RASGRP3: variants seen among roughly 807,000 people sequenced by gnomAD.
RASGRP3 encodes ras guanyl-releasing protein 3.
Under a neutral mutation model 82.7 loss-of-function variants are expected in RASGRP3, and 54 were observed. That is an observed-to-expected ratio of 0.65 (90% confidence interval 0.52 to 0.82). RASGRP3 has a LOEUF of 0.82. Among genes scored for constraint, RASGRP3 ranks in the 40% least tolerant of loss-of-function variants. The pLI is 0.00. For synonymous variants in RASGRP3, 309 were observed against 300.5 expected (o/e 1.03, Z -0.29); for missense variants, 861 against 828.9 (o/e 1.04, Z -0.48).
chr2:33,562,543 T>G (rs905884060), intron 17 of RASGRP3, among the ~76,000 whole-genome samples, 186 bp from the exon 18 acceptor site: 2 of 152,244 alleles, frequency 1.3e-5, no homozygotes, highest in Admixed American at 6.5e-5. Flanking sequence ...AGCTCTGGGA[T>G]TATAGGTGTG....
chr2:33,468,811 ATGC>A (rs1215453740), intron 2 of RASGRP3, among the ~76,000 whole-genome samples: 1 of 152,194 alleles, frequency 6.6e-6, no homozygotes, highest in African/African-American at 2.4e-5. Flanking sequence ...AGTATAAGTA[ATGC>A]TGCGTGAAAT....
intron 1 of RASGRP3, among the ~76,000 whole-genome samples, chr2:33,480,290 G>A (rs1005217022): frequency 5.3e-5 from 8 of 152,088 alleles, no homozygotes; most frequent in Non-Finnish European, 1.0e-4. Flanking sequence ...TGATCCACCC[G>A]CCTCGGCCTC....
chr2:33,471,965 T>G (rs1208162609), upstream of RASGRP3, among the ~76,000 whole-genome samples: 1 of 152,196 alleles, frequency 6.6e-6, no homozygotes, highest in Non-Finnish European at 1.5e-5. Flanking sequence ...ACTTTTGTAA[T>G]TAATGTATAG....
At chr2:33,475,094 T>C (rs761741101), upstream of RASGRP3, among the ~76,000 whole-genome samples, 27 of 152,238 alleles carry the variant, frequency 1.8e-4, no homozygotes, top group Non-Finnish European at 3.1e-4. Context: ...CTGTTTCTAA[T>C]TGAAGATTGT....
chr2:33,443,416 T>C (rs1284737534), intron 1 of RASGRP3, among the ~76,000 whole-genome samples: 1 of 152,214 alleles, frequency 6.6e-6, no homozygotes, highest in East Asian at 1.9e-4. Flanking sequence ...TTCATAGTTG[T>C]CTTGCTGGGT....
chr2:33,514,709 A>G (rs1671281135), intron 2 of RASGRP3, among the ~76,000 whole-genome samples: 1 of 151,974 alleles, frequency 6.6e-6, no homozygotes, highest in Non-Finnish European at 1.5e-5. Flanking sequence ...AAGAACAAAA[A>G]CAATCAAAAA....
chr2:33,449,484 G>T (rs539088315), intron 2 of RASGRP3, among the ~76,000 whole-genome samples: 1 of 152,190 alleles, frequency 6.6e-6, no homozygotes, highest in Non-Finnish European at 1.5e-5. Context: ...TATTTAGGCC[G>T]GGCGCGGTGG....
At chr2:33,503,343 C>A (rs1670054773) in intron 1 of RASGRP3, among the ~76,000 whole-genome samples, 1 of 151,966 alleles carries the variant, frequency 6.6e-6, no homozygotes, top group Admixed American at 6.6e-5. Context: ...GTTATATTTT[C>A]TTTTTTTGTA....
At chr2:33,562,599 A>T in intron 17 of RASGRP3, 130 bp from the exon 18 acceptor site, 2 of 1,024,422 alleles carry the variant, frequency 2.0e-6, no homozygotes, top group Non-Finnish European at 2.9e-6. Context: ...TTCCCACTAA[A>T]TCCTGAGACT....
rs1574413009 is a variant in RASGRP3, at chr2:33,522,071, T to C, written c.485T>C (p.Phe162Ser). The change falls in exon 7 of 18, where the codon TTT becomes TCT. Residue 162 changes from phenylalanine (F) to serine (S), a missense_variant. Coordinates refer to ENST00000403687, the MANE Select transcript of RASGRP3 (RefSeq NM_001139488.2). Reference protein sequence around the residue: ...EPIELAEHLTFLEHKSFRRIS... With the variant: ...EPIELAEHLTSLEHKSFRRIS... The stretch of plus-strand genomic sequence containing the variant: ...ATTGAATTGGCTGAGCACCTCACTT[T>C]TCTGGAGCATAAATCTTTTAGAAGG... 1 of 1,611,806 alleles carries C rather than the reference T, an allele frequency of 6.2e-7. No homozygotes were observed. The highest frequency in any genetic ancestry group is 2.2e-5 in the East Asian group (1 of 44,876).
intron 13 of RASGRP3, among the ~76,000 whole-genome samples, chr2:33,548,318 G>C (rs892791445): frequency 4.8e-4 from 66 of 137,434 alleles, no homozygotes; most frequent in Non-Finnish European, 8.8e-4. Context: ...CCGAGATTGT[G>C]CCACTGCAAT....
rs573022728 is a variant in RASGRP3, at chr2:33,556,231, C to CTTTT, written c.1579+688_1579+691dup. On this transcript the variant is annotated intron_variant, in intron 15 of 17. Transcript: ENST00000403687. ...CAGTTTATATGGTTCTTCTAATAAT[C>CTTTT]TTTTTTTTTTTTTTTTTTTTTTTTT... 3.6e-3 allele frequency among the ~76,000 whole-genome samples: 206 copies of CTTTT among 57,498 alleles called. 56 individuals carry two copies. Among genetic ancestry groups the CTTTT allele is most frequent in the African/African-American group, 0.02 (183 of 9,310 alleles). The allele number at this position is 57,498 out of a possible 152,430, so 37.7% of individuals were successfully genotyped here.
At position 33,520,360 on chromosome 2, in the gene RASGRP3, T is replaced by A. The variant is rs980510028; in HGVS notation, c.237-193T>A. Among the ~76,000 whole-genome samples the A allele has an allele frequency of 2.6e-5, 4 of 152,114 alleles. No homozygotes were observed. The South Asian group carries it at 6.2e-4, about 24-fold the overall frequency. On this transcript the variant is annotated intron_variant, in intron 5 of 17. Coordinates refer to ENST00000403687, the MANE Select transcript of RASGRP3 (RefSeq NM_001139488.2). ...AGAGAGGCTATGAGTGGGAGCGGTTTTAGATTGAAGGAGGGCAGAGAGAGG... is the reference window on the plus strand; with the variant it reads ...AGAGAGGCTATGAGTGGGAGCGGTTATAGATTGAAGGAGGGCAGAGAGAGG...
chr2:33,507,169 G>T (rs1460742212), intron 1 of RASGRP3, among the ~76,000 whole-genome samples: 1 of 152,198 alleles, frequency 6.6e-6, no homozygotes, highest in African/African-American at 2.4e-5. Flanking sequence ...GCCAAGGTGG[G>T]CAGATCACTT....
chr2:33,547,503 G>A (rs879375581), intron 13 of RASGRP3, among the ~76,000 whole-genome samples: 20 of 151,820 alleles, frequency 1.3e-4, no homozygotes, highest in Admixed American at 3.3e-4. Context: ...ACAGTAATAG[G>A]GAAGCCTGGG....
chr2:33,562,993 CTT>C lies in RASGRP3; in HGVS notation c.*261_*262del, dbSNP rs147743629. The C allele has an allele frequency of 0.79, 390,552 of 492,000 alleles. 158,384 individuals carry two copies. The highest frequency in any genetic ancestry group is 0.96 in the African/African-American group (48,684 of 50,698). 30.5% of individuals were successfully genotyped at this position (492,000 alleles called of 1,614,324 possible). A position where few individuals can be genotyped will look rare whatever the true frequency, so the allele number is the denominator to read the frequency against. On this transcript the variant is annotated 3_prime_UTR_variant, in exon 18 of 18. Coordinates refer to ENST00000403687, the MANE Select transcript of RASGRP3 (RefSeq NM_001139488.2). ...CAAAGACTGTGTTATGTAGTCAGTA[CTT>C]TTTTCTCATGTATCTTTCTCTAGAC...
At position 33,549,668 on chromosome 2, in the gene RASGRP3, T is replaced by G. The variant is rs1449518042; in HGVS notation, c.1459T>G (p.Cys487Gly). The G allele has an allele frequency of 1.9e-6, 3 of 1,613,464 alleles. No homozygotes were observed. In the Admixed American group the frequency reaches 5.0e-5, roughly 27 times the overall value. ...YFLRAKSQLHCKMGPGFIHNF... is the reference protein window; with the variant it reads ...YFLRAKSQLHGKMGPGFIHNF... ...CCTGAGAGCTAAATCCCAACTACAC[T>G]GTAAAATGGGACCAGGATTTATCCA... is the stretch of plus-strand genomic sequence containing the variant. Residue 487 changes from cysteine (C) to glycine (G), a missense_variant, in exon 14 of 18, where the codon TGT becomes GGT. Physicochemically the swap from Cys to Gly is radical, Grantham distance 159. Transcript: ENST00000403687.
intron 1 of RASGRP3, among the ~76,000 whole-genome samples, chr2:33,443,677 C>G (rs895936767): frequency 3.4e-5 from 5 of 147,876 alleles, no homozygotes; most frequent in Admixed American, 2.7e-4. Context: ...ACCCAGGTGA[C>G]CAGCCTGGGC....
chr2:33,511,503 GCTTA>G (rs1670923045), intron 1 of RASGRP3, among the ~76,000 whole-genome samples: 1 of 152,134 alleles, frequency 6.6e-6, no homozygotes, highest in South Asian at 2.1e-4. Context: ...GCTGCAAAAA[GCTTA>G]CTTGATTTAA....
Sources: gnomAD v4.1 joint callset for allele counts (sites outside exome capture counted in the v4.1 genomes callset) on GRCh38, gnomAD v4.1.1 for gene constraint, MANE v1.5 for transcripts, NCBI Gene and HGNC (gene_info 2026-07-23, HGNC 2026-07-21) for gene names.